Variants in KIRREL1 observed in about 807,000 individuals in gnomAD.
The protein encoded by KIRREL1 is kirre like nephrin family adhesion molecule 1.
KIRREL1 carries 25 observed loss-of-function variants against 83.3 expected under a neutral mutation model. The ratio of observed to expected loss-of-function variants is 0.30; its 90% confidence interval spans 0.22 to 0.42. The LOEUF is 0.42. KIRREL1 is among the 10% of genes least tolerant of loss of function. KIRREL1 has a pLI of 1.00. For synonymous variants in KIRREL1, 388 were observed against 410.4 expected (o/e 0.95, Z 0.66); for missense variants, 812 against 1,032.3 (o/e 0.79, Z 2.92).
Position 158,078,130 on chromosome 1 carries a change from C to T in KIRREL1, c.342C>T (p.Leu114=). The change falls in exon 3 of 15, where the codon CTC becomes CTT. Residue 114 remains leucine (L), a synonymous_variant. Coordinates refer to ENST00000359209, the MANE Select transcript of KIRREL1 (RefSeq NM_018240.7). ...EAALRSRRAK[L]TVLIPPEDTR... ...CCCTGCGCTCTCGGCGGGCCAAACT[C>T]ACCGTGCTCAGTAAGGACCCCAATA... 2 of 1,614,036 alleles carry T rather than the reference C, an allele frequency of 1.2e-6. No individual in the cohort carries two copies. Among genetic ancestry groups the T allele is most frequent in the Non-Finnish European group, 1.7e-6 (2 of 1,180,006 alleles).
intron 1 of KIRREL1, among the ~76,000 whole-genome samples, chr1:158,014,832 T>G (rs1276911908): frequency 2.0e-5 from 3 of 152,120 alleles, no homozygotes; most frequent in Non-Finnish European, 1.5e-5. Context: ...ACTGCGGCCC[T>G]CTAGATCTCT....
intron 1 of KIRREL1, among the ~76,000 whole-genome samples, chr1:158,064,912 C>CT: frequency 7.2e-6 from 1 of 139,146 alleles, no homozygotes; most frequent in East Asian, 2.1e-4. Flanking sequence ...AGAATAATGT[C>CT]TAACACCTAA....
intron 1 of KIRREL1, among the ~76,000 whole-genome samples, chr1:158,008,092 C>A (rs1385940652): frequency 6.6e-6 from 1 of 152,098 alleles, no homozygotes; most frequent in Non-Finnish European, 1.5e-5. Context: ...TCACACTTAG[C>A]AGATAATTAC....
chr1:158,095,080 A>G lies in KIRREL1; in HGVS notation c.2234A>G (p.Tyr745Cys). The change falls in exon 15 of 15, where the codon TAC becomes TGC. Residue 745 changes from tyrosine to cysteine, a missense_variant. Transcript: ENST00000359209. Reference protein sequence around the residue: ...RFSYTSQHSDYGQRFQQRMQT... With the variant: ...RFSYTSQHSDCGQRFQQRMQT... ...TCCTACACCTCCCAGCACTCGGACT[A>G]CGGCCAGCGATTCCAGCAGCGCATG... 2 of 1,609,868 alleles carry G rather than the reference A, an allele frequency of 1.2e-6. No homozygotes were observed. The highest frequency in any genetic ancestry group is 1.7e-6 in the Non-Finnish European group (2 of 1,177,014).
At chr1:158,069,467 A>G (rs1661450629) in intron 1 of KIRREL1, among the ~76,000 whole-genome samples, 1 of 152,178 alleles carries the variant, frequency 6.6e-6, no homozygotes, top group South Asian at 2.1e-4. Context: ...GTGTTCACAC[A>G]CAGAGACTGG....
chr1:158,096,708 T>C lies in KIRREL1; in HGVS notation c.*1588T>C. The stretch of plus-strand genomic sequence containing the variant: ...TGACTGCTTCTCAGCCACCACTTTC[T>C]GACCAAAGAGAACAGGCGCTCCAAG... On this transcript the variant is annotated 3_prime_UTR_variant, in exon 15 of 15. Transcript: ENST00000359209. 2.2e-6 allele frequency: 1 copy of C among 456,736 alleles called. No individual in the cohort carries two copies. Among genetic ancestry groups the C allele is most frequent in the Non-Finnish European group, 4.4e-6 (1 of 226,980 alleles). The allele number at this position is 456,736 out of a possible 1,614,324, so 28.3% of individuals were successfully genotyped here. A position where few individuals can be genotyped will look rare whatever the true frequency, so the allele number is the denominator to read the frequency against.
chr1:157,994,995 A>G (rs1368312907), intron 1 of KIRREL1, among the ~76,000 whole-genome samples: 1 of 152,190 alleles, frequency 6.6e-6, no homozygotes, highest in Non-Finnish European at 1.5e-5. Context: ...CTAGCAAACA[A>G]AGAAACTTGA....
At position 158,093,677 on chromosome 1, in the gene KIRREL1, G is replaced by A. The variant is rs373226245; in HGVS notation, c.1634G>A (p.Arg545Gln). The stretch of plus-strand genomic sequence containing the variant: ...GATATCAAGGTGGAGACAGTGAACC[G>A]AGAGCCACTTACGATGCATTCTGAC... The part of the protein sequence containing the change: ...KLDIKVETVN[R>Q]EPLTMHSDRE... The change falls in exon 13 of 15, where the codon CGA (arginine) becomes CAA (glutamine). Residue 545 changes from arginine (R) to glutamine (Q), a missense_variant. Arg to Gln is a conservative substitution (Grantham distance 43). This residue lies in a region of KIRREL1 where 334 missense variants were observed against 383.7 expected (regional missense o/e 0.87). Coordinates refer to ENST00000359209, the MANE Select transcript of KIRREL1 (RefSeq NM_018240.7). 28 of 1,614,174 alleles carry A rather than the reference G, an allele frequency of 1.7e-5. No individual in the cohort carries two copies. Among genetic ancestry groups the A allele is most frequent in the African/African-American group, 2.7e-5 (2 of 75,046 alleles).
rs1158172139 is a variant in KIRREL1 at position 158,086,584 on chromosome 1, G to A, written c.511-12G>A. 3.2e-6 allele frequency: 5 copies of A among 1,551,562 alleles called. No homozygotes were observed. Among genetic ancestry groups the A allele is most frequent in the Non-Finnish European group, 3.5e-6 (4 of 1,146,954 alleles). ...TAGCTTAACCATATCTCCCACCCTT[G>A]TCATGTTCCAGGAATTGCTGAAGGA... is the stretch of plus-strand genomic sequence containing the variant. On this transcript the variant is annotated splice_polypyrimidine_tract_variant and intron_variant, in intron 4 of 14. Transcript: ENST00000359209.
At chr1:158,002,848 G>A (rs1659404407) in intron 1 of KIRREL1, among the ~76,000 whole-genome samples, 2 of 152,080 alleles carry the variant, frequency 1.3e-5, no homozygotes, top group African/African-American at 4.8e-5. Context: ...ATCCCCGATT[G>A]TACCCCCTGC....
intron 3 of KIRREL1, among the ~76,000 whole-genome samples, chr1:158,079,961 AT>A (rs1302462602): frequency 6.6e-6 from 1 of 152,228 alleles, no homozygotes; most frequent in African/African-American, 2.4e-5. Context: ...AAGGACCAGG[AT>A]TCAAGGCTGC....
chr1:158,021,748 G>A (rs1235152188), intron 1 of KIRREL1, among the ~76,000 whole-genome samples: 1 of 152,186 alleles, frequency 6.6e-6, no homozygotes, highest in Non-Finnish European at 1.5e-5. Flanking sequence ...TGTGGCAGCT[G>A]TGGTGGGCTT....
At chr1:158,012,796 T>A (rs1659724901) in intron 1 of KIRREL1, among the ~76,000 whole-genome samples, 1 of 152,174 alleles carries the variant, frequency 6.6e-6, no homozygotes, top group Admixed American at 6.5e-5. Flanking sequence ...TCAACAAATG[T>A]GAGATAAATG....
chr1:158,028,606 C>G (rs1202395113), intron 1 of KIRREL1, among the ~76,000 whole-genome samples: 1 of 152,026 alleles, frequency 6.6e-6, no homozygotes, highest in Non-Finnish European at 1.5e-5. Context: ...AGGCATTTTC[C>G]TGGGATGCTT....
chr1:158,018,165 G>C (rs941531495), intron 1 of KIRREL1, among the ~76,000 whole-genome samples: 1 of 152,156 alleles, frequency 6.6e-6, no homozygotes, highest in Admixed American at 6.5e-5. Context: ...GAAGAATTGG[G>C]GGGGTGGGAA....
At chr1:158,034,219 G>A (rs1390368610) in intron 1 of KIRREL1, among the ~76,000 whole-genome samples, 1 of 140,734 alleles carries the variant, frequency 7.1e-6, no homozygotes, top group Non-Finnish European at 1.5e-5. Context: ...GCAGTGAGCC[G>A]AGATAGCGCC....
At chr1:158,011,554 G>A (rs1445233203) in intron 1 of KIRREL1, among the ~76,000 whole-genome samples, 4 of 152,180 alleles carry the variant, frequency 2.6e-5, no homozygotes, top group Non-Finnish European at 2.9e-5. Flanking sequence ...GAGGCATTTC[G>A]CTGAGGCCTA....
At chr1:158,026,972 C>T (rs1660190487) in intron 1 of KIRREL1, among the ~76,000 whole-genome samples, 1 of 152,166 alleles carries the variant, frequency 6.6e-6, no homozygotes, top group Admixed American at 6.5e-5. Flanking sequence ...AGCAAGCAAT[C>T]CTTTAGCAGA....
intron 1 of KIRREL1, among the ~76,000 whole-genome samples, chr1:158,022,850 C>T (rs1465500666): frequency 1.3e-5 from 2 of 152,194 alleles, no homozygotes; most frequent in African/African-American, 4.8e-5. Flanking sequence ...TGTTTCCAGC[C>T]TCTTCCTCCC....
Sources: allele counts gnomAD v4.1 joint callset (sites outside exome capture counted in the v4.1 genomes callset), GRCh38; gene constraint gnomAD v4.1.1; regional missense constraint gnomAD v4.1.1; transcripts MANE v1.5; gene names NCBI Gene and HGNC (gene_info 2026-07-23, HGNC 2026-07-21).